Variants in FOXL2NB observed in about 807,000 individuals in gnomAD.
FOXL2NB encodes FOXL2 neighbor protein.
Under a neutral mutation model 7.4 loss-of-function variants are expected in FOXL2NB, and 10 were observed. The observed-to-expected ratio is 1.34, with a 90% CI of 0.83 to 2.28. FOXL2NB has a LOEUF of 2.28. FOXL2NB is among the 30% of genes most tolerant of loss of function. The pLI, the probability that FOXL2NB is intolerant of heterozygous loss-of-function variation, is 0.00. For synonymous variants in FOXL2NB, 104 were observed against 105.3 expected, an observed-to-expected ratio of 0.99 and a Z score of 0.08; for missense variants, 228 against 233.9, an observed-to-expected ratio of 0.97 and a Z score of 0.17.
Position 138,951,683 on chromosome 3 carries a change from T to C in FOXL2NB, c.*1111T>C, listed in dbSNP as rs962136157. 1 of 152,248 alleles carries C rather than the reference T, an allele frequency of 6.6e-6. No homozygotes were observed. The highest frequency in any genetic ancestry group is 1.5e-5 in the Non-Finnish European group (1 of 68,068). 9.4% of individuals were successfully genotyped at this position (152,248 alleles called of 1,614,324 possible). Reference sequence around the variant, plus strand: ...CCTCTGATATCCCTCATGACATCTATGGCCCAAAGCCATTTTGTTCAGCTC... The same window carrying C: ...CCTCTGATATCCCTCATGACATCTACGGCCCAAAGCCATTTTGTTCAGCTC... On this transcript the variant is annotated 3_prime_UTR_variant, in exon 3 of 3. Transcript: ENST00000383165.
chr3:138,950,237 G>C, intron 2 of FOXL2NB, 28 bp from the exon 3 acceptor site: 2 of 1,605,558 alleles, frequency 1.2e-6, no homozygotes, highest in South Asian at 2.2e-5. Flanking sequence ...AATCTACACG[G>C]CTCTGATACA....
Sources: allele counts gnomAD v4.1 joint callset, GRCh38; gene constraint gnomAD v4.1.1; transcripts MANE v1.5; gene names NCBI Gene and HGNC (gene_info 2026-07-23, HGNC 2026-07-21).